The following APBB1IP variants were observed in gnomAD, a reference collection of about 807,000 sequenced individuals.
APBB1IP encodes the protein amyloid beta precursor protein binding family B member 1 interacting protein.
APBB1IP carries 27 observed loss-of-function variants against 64.9 expected under a neutral mutation model. The observed-to-expected ratio is 0.42, with a 90% CI of 0.31 to 0.57. The LOEUF (loss-of-function observed/expected upper bound fraction) is 0.57. APBB1IP is among the 20% of genes least tolerant of loss of function. The pLI is 0.20. For synonymous variants in APBB1IP, 392 were observed against 331.0 expected, an observed-to-expected ratio of 1.18 and a Z score of -2.00; for missense variants, 812 against 845.5, an observed-to-expected ratio of 0.96 and a Z score of 0.49.
intron 5 of APBB1IP, chr10:26,501,725 A>G (rs1461801499): frequency 6.6e-6 from 1 of 152,654 alleles, no homozygotes; most frequent in Non-Finnish European, 1.5e-5. Context: ...TCATAAAAGT[A>G]AAAAGAGCAC....
rs967409744 is a variant in APBB1IP at position 26,522,311 on chromosome 10, C to T, written c.813+8651C>T. Among the ~76,000 whole-genome samples, 10 of 152,264 alleles carry T rather than the reference C, an allele frequency of 6.6e-5. 1 individual carries two copies. In the East Asian group the frequency reaches 1.7e-3, roughly 26 times the overall value. ...CTTCACACACACACAGCTTCCCCCA[C>T]TATCAACACCCTCCACCAGCATGGC... On this transcript the variant is annotated intron_variant, in intron 8 of 14. Coordinates refer to ENST00000376236, the MANE Select transcript of APBB1IP (RefSeq NM_019043.4).
At chr10:26,539,097 A>G (rs535011762) in intron 10 of APBB1IP, among the ~76,000 whole-genome samples, 24 of 152,344 alleles carry the variant, frequency 1.6e-4, no homozygotes, top group African/African-American at 5.5e-4. Context: ...TTAGAGAAAA[A>G]TAGTATAAAA....
chr10:26,463,128 C>A (rs1405071107), intron 2 of APBB1IP, among the ~76,000 whole-genome samples: 7 of 152,156 alleles, frequency 4.6e-5, no homozygotes. Context: ...ATGGAGCACC[C>A]AAGAGTGCTT....
At chr10:26,542,154 A>G (rs933780058) in intron 11 of APBB1IP, among the ~76,000 whole-genome samples, 1 of 152,144 alleles carries the variant, frequency 6.6e-6, no homozygotes, top group Non-Finnish European at 1.5e-5. Context: ...ATCAAATGTT[A>G]GATATGGTTT....
At chr10:26,547,080 A>G (rs11015165) in intron 11 of APBB1IP, among the ~76,000 whole-genome samples, 20,563 of 152,174 alleles carry the variant, frequency 0.14, 1,552 homozygotes, top group Middle Eastern at 0.19. Flanking sequence ...TCCTTTTATC[A>G]TAGCCATTCT....
chr10:26,453,070 G>A (rs1835482843), intron 2 of APBB1IP, among the ~76,000 whole-genome samples: 1 of 152,156 alleles, frequency 6.6e-6, no homozygotes, highest in Non-Finnish European at 1.5e-5. Context: ...TAAGAGAGTT[G>A]AGGTATAAAT....
intron 11 of APBB1IP, among the ~76,000 whole-genome samples, chr10:26,558,725 C>T (rs766590948): frequency 1.4e-4 from 22 of 151,956 alleles, no homozygotes; most frequent in Admixed American, 9.8e-4. Flanking sequence ...TGCAGTGAGC[C>T]GTGATGGCAC....
intron 8 of APBB1IP, among the ~76,000 whole-genome samples, chr10:26,523,544 C>A (rs1836431823): frequency 6.6e-6 from 1 of 152,116 alleles, no homozygotes; most frequent in South Asian, 2.1e-4. Flanking sequence ...AGGGGCCGTC[C>A]ATTCTCAGGC....
chr10:26,559,491 C>T (rs1836939128), intron 11 of APBB1IP, among the ~76,000 whole-genome samples: 1 of 152,014 alleles, frequency 6.6e-6, no homozygotes. Context: ...GAGGGAGGAT[C>T]TCTTGAGCCC....
rs1378321569 is a variant in APBB1IP, at chr10:26,496,370, G to A, written c.139G>A (p.Val47Met). 5.6e-6 allele frequency: 9 copies of A among 1,611,812 alleles called. No individual in the cohort carries two copies. The highest frequency in any genetic ancestry group is 7.6e-6 in the Non-Finnish European group (9 of 1,178,420). ...NPPRAEFNYS[V>M]GFKDLNESLN... ...ACCCAGAGCTGAATTTAACTACAGT[G>A]TGGGGTTTAAAGATTTAAATGGTAA... The change falls in exon 4 of 15, where the codon GTG becomes ATG. Residue 47 changes from valine (V) to methionine (M), a missense_variant. Val to Met is a conservative substitution (Grantham distance 21). This residue lies in a region of APBB1IP where 394 missense variants were observed against 413.1 expected (regional missense o/e 0.95). Coordinates refer to ENST00000376236, the MANE Select transcript of APBB1IP (RefSeq NM_019043.4).
At chr10:26,478,459 G>A (rs987803391) in intron 2 of APBB1IP, among the ~76,000 whole-genome samples, 6 of 152,056 alleles carry the variant, frequency 3.9e-5, no homozygotes, top group Non-Finnish European at 8.8e-5. Context: ...GCCAAGGCAG[G>A]TGGTTCACTT....
intron 3 of APBB1IP, among the ~76,000 whole-genome samples, 164 bp from the exon 4 acceptor site, chr10:26,496,140 G>A (rs1189329913): frequency 1.3e-5 from 2 of 151,008 alleles, no homozygotes; most frequent in Non-Finnish European, 2.9e-5. Flanking sequence ...TTTTCTATAG[G>A]GGAAAAATTA....
intron 6 of APBB1IP, among the ~76,000 whole-genome samples, chr10:26,507,540 T>C (rs1477939699): frequency 6.6e-6 from 1 of 151,958 alleles, no homozygotes; most frequent in Non-Finnish European, 1.5e-5. Flanking sequence ...TTGTAGAAAA[T>C]GGATTGTAGG....
At chr10:26,463,771 G>T (rs1835619097) in intron 2 of APBB1IP, among the ~76,000 whole-genome samples, 1 of 152,156 alleles carries the variant, frequency 6.6e-6, no homozygotes, top group Non-Finnish European at 1.5e-5. Context: ...TACATGTGCA[G>T]AATGTGCAGG....
rs1835354416 is a variant in APBB1IP, at chr10:26,443,170, C to A, written c.-1+4317C>A. Among the ~76,000 whole-genome samples, 4 of 152,142 alleles carry A rather than the reference C, an allele frequency of 2.6e-5. No individual in the cohort carries two copies. In the South Asian group the frequency reaches 8.3e-4, roughly 32 times the overall value. ...GGCGTGGTGGCTCACACTGGTAACC[C>A]CAGCACTTTGGGAGGCTGAGGCAGG... On this transcript the variant is annotated intron_variant, in intron 2 of 14. Transcript: ENST00000376236.
chr10:26,560,892 C>T, intron 13 of APBB1IP, 48 bp downstream of exon 13: 2 of 1,364,662 alleles, frequency 1.5e-6, no homozygotes, highest in Non-Finnish European at 1.0e-6. Context: ...GCTTGGTGCT[C>T]CAGTTCAAAA....
intron 2 of APBB1IP, among the ~76,000 whole-genome samples, chr10:26,466,924 A>G (rs1432179359): frequency 6.6e-6 from 1 of 151,398 alleles, no homozygotes; most frequent in Non-Finnish European, 1.5e-5. Context: ...TGACAGAGCA[A>G]GACCCTATGG....
intron 6 of APBB1IP, among the ~76,000 whole-genome samples, chr10:26,505,025 G>A (rs1836157228): frequency 6.6e-6 from 1 of 152,106 alleles, no homozygotes; most frequent in African/African-American, 2.4e-5. Context: ...CAAAGTGGTG[G>A]GATTACAGGT....
At chr10:26,453,724 G>A (rs4237377) in intron 2 of APBB1IP, among the ~76,000 whole-genome samples, 56,044 of 151,832 alleles carry the variant, frequency 0.37, 10,399 homozygotes, top group South Asian at 0.5. Flanking sequence ...ATAAGCACAG[G>A]AAAAAAATGC....
Sources: gnomAD v4.1 joint callset for allele counts (sites outside exome capture counted in the v4.1 genomes callset) on GRCh38, gnomAD v4.1.1 for gene constraint, gnomAD v4.1.1 regional missense constraint, MANE v1.5 for transcripts, NCBI Gene and HGNC (gene_info 2026-07-23, HGNC 2026-07-21) for gene names.